The following PPM1D variants were observed in gnomAD, a reference collection of about 807,000 sequenced individuals.
The protein encoded by PPM1D is protein phosphatase 1D.
PPM1D carries 52 observed loss-of-function variants against 58.3 expected under a neutral mutation model. That is an observed-to-expected ratio of 0.89 (90% CI 0.71 to 1.12). PPM1D has a LOEUF of 1.12. PPM1D is among the 50% of genes most tolerant of loss of function. The pLI is 0.00. For synonymous variants in PPM1D, 278 were observed against 285.1 expected (o/e 0.98, Z 0.25); for missense variants, 564 against 777.2 (o/e 0.73, Z 3.26).
chr17:60,639,511 C>T (rs2031093046), intron 3 of PPM1D, among the ~76,000 whole-genome samples: 1 of 152,122 alleles, frequency 6.6e-6, no homozygotes, highest in African/African-American at 2.4e-5. Flanking sequence ...GATCTCGGCT[C>T]ATTGCAGCCT....
In PPM1D at chr17:60,600,659, C is replaced by T; in HGVS notation, c.245C>T (p.Ala82Val). Reference sequence around the variant, plus strand: ...GAGGCTCGCGACCCTCTCCCGGACGCCGGGGCCTCGCCGGCACCTAGCCGC... The same window carrying T: ...GAGGCTCGCGACCCTCTCCCGGACGTCGGGGCCTCGCCGGCACCTAGCCGC... The part of the protein sequence containing the change: ...AREARDPLPD[A>V]GASPAPSRCC... The change falls in exon 1 of 6, where the codon GCC becomes GTC. Residue 82 changes from alanine (A) to valine (V), a missense_variant. By Grantham distance (64) the Ala-to-Val change is moderately conservative. Coordinates refer to ENST00000305921, the MANE Select transcript of PPM1D (RefSeq NM_003620.4). The T allele has an allele frequency of 6.4e-7, 1 of 1,550,706 alleles. No individual in the cohort carries two copies. Among genetic ancestry groups the T allele is most frequent in the East Asian group, 2.4e-5 (1 of 41,134 alleles).
intron 3 of PPM1D, among the ~76,000 whole-genome samples, chr17:60,642,917 C>T (rs2031163894): frequency 6.6e-6 from 1 of 151,350 alleles, no homozygotes; most frequent in Admixed American, 6.6e-5. Flanking sequence ...AATACAAAAA[C>T]TTAGCCAGGC....
intron 1 of PPM1D, 53 bp from the exon 2 acceptor site, chr17:60,623,468 A>G: frequency 2.0e-6 from 3 of 1,493,812 alleles, no homozygotes; most frequent in African/African-American, 1.4e-5. Flanking sequence ...GTATCCTGAC[A>G]GTGTATTAAT....
At chr17:60,662,080 T>C (rs2031535960) in intron 5 of PPM1D, among the ~76,000 whole-genome samples, 1 of 152,166 alleles carries the variant, frequency 6.6e-6, no homozygotes, top group South Asian at 2.1e-4. Context: ...CTCTGCAGCC[T>C]CCACCTCCTG....
At chr17:60,633,742 CATT>C (rs2030972475) in intron 2 of PPM1D, 108 bp from the exon 3 acceptor site, 13 of 1,155,608 alleles carry the variant, frequency 1.1e-5, no homozygotes, top group Non-Finnish European at 1.6e-5. Flanking sequence ...ACACATAAGA[CATT>C]ATTTTGTAAT....
chr17:60,629,726 A>G (rs2030880114), intron 2 of PPM1D, among the ~76,000 whole-genome samples: 1 of 152,096 alleles, frequency 6.6e-6, no homozygotes, highest in Non-Finnish European at 1.5e-5. Context: ...CCTTCTCATT[A>G]ATCTTCCTTT....
intron 2 of PPM1D, among the ~76,000 whole-genome samples, chr17:60,630,693 A>T (rs1351029823): frequency 4.6e-5 from 7 of 152,122 alleles, no homozygotes; most frequent in African/African-American, 1.7e-4. Flanking sequence ...CAGTATCATT[A>T]TTTGTCTTTT....
intron 3 of PPM1D, among the ~76,000 whole-genome samples, chr17:60,637,063 G>T (rs2031037725): frequency 1.3e-5 from 2 of 151,440 alleles, no homozygotes; most frequent in Admixed American, 1.3e-4. Context: ...TCACCTCCTG[G>T]GTTCAAGCAA....
At chr17:60,614,826 G>C (rs568980453) in intron 1 of PPM1D, among the ~76,000 whole-genome samples, 1 of 152,164 alleles carries the variant, frequency 6.6e-6, no homozygotes, top group Non-Finnish European at 1.5e-5. Context: ...GCGAGACCAC[G>C]AACCCACCAG....
intron 1 of PPM1D, among the ~76,000 whole-genome samples, chr17:60,611,060 G>T (rs1425065276): frequency 6.6e-6 from 1 of 152,142 alleles, no homozygotes; most frequent in African/African-American, 2.4e-5. Flanking sequence ...TTGCCCTGTT[G>T]CCCAGGCTGG....
In PPM1D at chr17:60,665,132, C is replaced by T. The variant is rs1222009806; in HGVS notation, c.*1580C>T. The stretch of plus-strand genomic sequence containing the variant: ...GATTACAGGCACGCGCCACTGTGCC[C>T]AGCCAATTTTTGTATTTTTAGTAGA... On this transcript the variant is annotated 3_prime_UTR_variant, in exon 6 of 6. Transcript: ENST00000305921. The T allele has an allele frequency of 2.0e-5, 3 of 152,048 alleles. No individual in the cohort carries two copies. The highest frequency in any genetic ancestry group is 7.3e-5 in the African/African-American group (3 of 41,358). The allele number at this position is 152,048 out of a possible 1,614,324, so 9.4% of individuals were successfully genotyped here. A position where few individuals can be genotyped will look rare whatever the true frequency, so the allele number is the denominator to read the frequency against.
chr17:60,648,358 A>G (rs751023778), intron 4 of PPM1D, among the ~76,000 whole-genome samples: 1 of 151,642 alleles, frequency 6.6e-6, no homozygotes, highest in Non-Finnish European at 1.5e-5. Flanking sequence ...TTTAAATGAC[A>G]TATAATTTCC....
chr17:60,625,318 A>G (rs2030785827), intron 2 of PPM1D, among the ~76,000 whole-genome samples: 1 of 152,242 alleles, frequency 6.6e-6, no homozygotes, highest in Non-Finnish European at 1.5e-5. Flanking sequence ...ATTAGGAAAG[A>G]TAAAGAGATT....
chr17:60,636,594 A>G (rs1036499747), intron 3 of PPM1D, among the ~76,000 whole-genome samples: 1 of 152,234 alleles, frequency 6.6e-6, no homozygotes, highest in Non-Finnish European at 1.5e-5. Context: ...ATATGTCAGT[A>G]AAGTGTAAGT....
intron 3 of PPM1D, among the ~76,000 whole-genome samples, chr17:60,645,646 G>GTATATATA (rs544614194): frequency 4.0e-5 from 5 of 126,574 alleles, no homozygotes; most frequent in African/African-American, 1.7e-4. Context: ...GTGTGTGTGT[G>GTATATATA]TATATATATA....
At chr17:60,628,393 A>C (rs2143663944) in intron 2 of PPM1D, among the ~76,000 whole-genome samples, 1 of 152,038 alleles carries the variant, frequency 6.6e-6, no homozygotes, top group East Asian at 1.9e-4. Flanking sequence ...ATTAGGGTTC[A>C]CTCCGGGTGT....
chr17:60,619,825 C>A (rs2030662089), intron 1 of PPM1D, among the ~76,000 whole-genome samples: 1 of 152,052 alleles, frequency 6.6e-6, no homozygotes, highest in Admixed American at 6.5e-5. Flanking sequence ...GTGATAAATT[C>A]CTGGCCTCAA....
chr17:60,638,784 C>G (rs1427609204), intron 3 of PPM1D, among the ~76,000 whole-genome samples: 3 of 152,144 alleles, frequency 2.0e-5, no homozygotes, highest in African/African-American at 2.4e-5. Context: ...AGCACACACC[C>G]TTATGGTTTA....
In PPM1D at chr17:60,656,684, C is replaced by T; in HGVS notation, c.1103C>T (p.Thr368Ile). The T allele has an allele frequency of 1.2e-6, 2 of 1,614,184 alleles. No homozygotes were observed. The highest frequency in any genetic ancestry group is 2.2e-5 in the East Asian group (1 of 44,886). The change falls in exon 5 of 6, where the codon ACT becomes ATT. Residue 368 changes from threonine (T) to isoleucine (I), a missense_variant. Physicochemically the swap from Thr to Ile is moderately conservative, Grantham distance 89 (BLOSUM62 -1). This residue lies in a region of PPM1D where 18 missense variants were observed against 43.9 expected (regional missense o/e 0.41). Transcript: ENST00000305921. ...CAGCGTATGCTCCGAGCAGATAACACTAGTGCCATAGTAATCTGCATCTCT... is the reference window on the plus strand; with the variant it reads ...CAGCGTATGCTCCGAGCAGATAACATTAGTGCCATAGTAATCTGCATCTCT... ...WRQRMLRADNTSAIVICISPE... is the reference protein window; with the variant it reads ...WRQRMLRADNISAIVICISPE...
Sources: gnomAD v4.1 joint callset for allele counts (sites outside exome capture counted in the v4.1 genomes callset) on GRCh38, gnomAD v4.1.1 for gene constraint, gnomAD v4.1.1 regional missense constraint, MANE v1.5 for transcripts, NCBI Gene and HGNC (gene_info 2026-07-23, HGNC 2026-07-21) for gene names.